The following ADAMTSL1 variants were observed in gnomAD, a reference collection of about 807,000 sequenced individuals.
ADAMTSL1 encodes the protein ADAMTS like 1, also known as ADAMTS-like protein 1.
A neutral mutation model predicts 201.8 loss-of-function variants in ADAMTSL1; 126 were observed. That is an observed-to-expected ratio of 0.62 (90% CI 0.54 to 0.72). The LOEUF is 0.72. Ranked by LOEUF, ADAMTSL1 falls within the 30% of genes least tolerant of loss-of-function variation. The pLI, the probability that ADAMTSL1 is intolerant of heterozygous loss-of-function variation, is 0.00. For synonymous variants in ADAMTSL1, 1,121 were observed against 903.4 expected (o/e 1.24, Z -4.32); for missense variants, 2,679 against 2,277.8 (o/e 1.18, Z -3.59).
intron 7 of ADAMTSL1, among the ~76,000 whole-genome samples, chr9:18,645,338 T>G (rs1432250889): frequency 3.3e-5 from 5 of 152,218 alleles, no homozygotes; most frequent in African/African-American, 1.2e-4. Context: ...TTTTGTAGGT[T>G]GCCTGTTCAC....
At chr9:18,782,133 G>A (rs1821429125) in intron 19 of ADAMTSL1, among the ~76,000 whole-genome samples, 2 of 152,124 alleles carry the variant, frequency 1.3e-5, no homozygotes, top group Admixed American at 6.5e-5. Flanking sequence ...CAGACTCTGT[G>A]TTAGATACTA....
At chr9:18,812,406 G>T (rs937129153) in intron 20 of ADAMTSL1, among the ~76,000 whole-genome samples, 1 of 152,144 alleles carries the variant, frequency 6.6e-6, no homozygotes, top group African/African-American at 2.4e-5. Context: ...TTATCTAAAT[G>T]TGACCTCTCA....
chr9:18,637,380 T>C (rs1402976042), intron 6 of ADAMTSL1, among the ~76,000 whole-genome samples: 6 of 152,264 alleles, frequency 3.9e-5, no homozygotes, highest in South Asian at 2.1e-4. Flanking sequence ...CAGTAACAGA[T>C]ACTGAAATAA....
At chr9:18,280,787 G>A (rs536989775) in intron 2 of ADAMTSL1, among the ~76,000 whole-genome samples, 1 of 151,806 alleles carries the variant, frequency 6.6e-6, no homozygotes, top group African/African-American at 2.4e-5. Flanking sequence ...TGTTCCAGTA[G>A]CTTTCCTTTG....
intron 1 of ADAMTSL1, among the ~76,000 whole-genome samples, chr9:18,064,114 T>G (rs1182450591): frequency 2.6e-5 from 4 of 152,164 alleles, no homozygotes; most frequent in Non-Finnish European, 5.9e-5. Context: ...ACCCACTTTC[T>G]AAGCAAGCAA....
At chr9:18,260,951 C>G (rs1269025378) in intron 2 of ADAMTSL1, among the ~76,000 whole-genome samples, 1 of 151,476 alleles carries the variant, frequency 6.6e-6, no homozygotes, top group Non-Finnish European at 1.5e-5. Flanking sequence ...ATATATTTAG[C>G]AAGTTGTATG....
chr9:18,156,091 G>A (rs1380099141), intron 1 of ADAMTSL1, among the ~76,000 whole-genome samples: 4 of 151,992 alleles, frequency 2.6e-5, no homozygotes, highest in Non-Finnish European at 4.4e-5. Context: ...GAGCAGAATC[G>A]ATCCTCAGAG....
chr9:18,319,440 A>G (rs1392500040), intron 2 of ADAMTSL1, among the ~76,000 whole-genome samples: 1 of 152,200 alleles, frequency 6.6e-6, no homozygotes, highest in Non-Finnish European at 1.5e-5. Flanking sequence ...CACTGCTATG[A>G]ACTATAGTAA....
chr9:18,110,258 C>G (rs1391748325), intron 1 of ADAMTSL1, among the ~76,000 whole-genome samples: 1 of 152,180 alleles, frequency 6.6e-6, no homozygotes, highest in African/African-American at 2.4e-5. Context: ...GTCTAATTCT[C>G]AGCTCTCTGG....
chr9:18,203,132 T>C (rs1296518047), intron 2 of ADAMTSL1, among the ~76,000 whole-genome samples: 2 of 152,128 alleles, frequency 1.3e-5, no homozygotes, highest in African/African-American at 4.8e-5. Flanking sequence ...ACAAAGGCCG[T>C]GCTCATGCTC....
At chr9:18,042,127 G>T (rs73643501) in intron 1 of ADAMTSL1, among the ~76,000 whole-genome samples, 8,322 of 149,780 alleles carry the variant, frequency 0.056, 271 homozygotes, top group Admixed American at 0.082. Flanking sequence ...CGAACACTAA[G>T]AAAGTGGAAT....
intron 7 of ADAMTSL1, among the ~76,000 whole-genome samples, chr9:18,645,978 G>A (rs1467568050): frequency 6.6e-6 from 1 of 151,714 alleles, no homozygotes; most frequent in Non-Finnish European, 1.5e-5. Flanking sequence ...ATTACCTTGG[G>A]CAGTATGGCC....
chr9:18,191,710 T>C (rs1211991079), intron 2 of ADAMTSL1, among the ~76,000 whole-genome samples: 2 of 152,194 alleles, frequency 1.3e-5, no homozygotes, highest in Non-Finnish European at 2.9e-5. Context: ...TATTAGTATA[T>C]CACTTAAGAC....
intron 23 of ADAMTSL1, among the ~76,000 whole-genome samples, chr9:18,853,923 G>A (rs772891640): frequency 3.0e-4 from 46 of 152,066 alleles, no homozygotes; most frequent in African/African-American, 3.9e-4. Context: ...GTGTGTGCGC[G>A]TGCATGCAAA....
chr9:17,999,462 A>C (rs1819522554), intron 1 of ADAMTSL1, among the ~76,000 whole-genome samples: 1 of 152,192 alleles, frequency 6.6e-6, no homozygotes, highest in Middle Eastern at 3.4e-3. Flanking sequence ...TGGTCATTGT[A>C]GATTTTTGTT....
chr9:18,219,446 G>T (rs1830175331), intron 2 of ADAMTSL1, among the ~76,000 whole-genome samples: 2 of 151,936 alleles, frequency 1.3e-5, no homozygotes, highest in South Asian at 4.2e-4. Context: ...TCGGCTCACT[G>T]CAATGTCTGC....
chr9:18,578,908 A>C (rs1053273609), intron 4 of ADAMTSL1, among the ~76,000 whole-genome samples: 4 of 150,710 alleles, frequency 2.7e-5, no homozygotes, highest in Non-Finnish European at 5.9e-5. Flanking sequence ...CTGACTTTTT[A>C]ATGATTGCCA....
chr9:18,037,510 C>T (rs1445861857), intron 1 of ADAMTSL1, among the ~76,000 whole-genome samples: 2 of 152,080 alleles, frequency 1.3e-5, no homozygotes, highest in Non-Finnish European at 2.9e-5. Context: ...CTAAAATACA[C>T]TTCTTTCTGT....
intron 7 of ADAMTSL1, among the ~76,000 whole-genome samples, chr9:18,657,328 G>T (rs546681847): frequency 6.6e-6 from 1 of 152,258 alleles, no homozygotes; most frequent in South Asian, 2.1e-4. Context: ...TACCAAAGAG[G>T]TTGGAAATAA....
Sources: gnomAD v4.1 joint callset for allele counts (sites outside exome capture counted in the v4.1 genomes callset) on GRCh38, gnomAD v4.1.1 for gene constraint, MANE v1.5 for transcripts, NCBI Gene and HGNC (gene_info 2026-07-23, HGNC 2026-07-21) for gene names.